Variants in ACRV1 observed in about 807,000 individuals in gnomAD.
ACRV1 encodes the protein acrosomal vesicle protein 1.
A neutral mutation model predicts 29.2 loss-of-function variants in ACRV1; 17 were observed. The observed-to-expected ratio is 0.58, with a 90% CI of 0.40 to 0.87. ACRV1 has a LOEUF of 0.87. Ranked by LOEUF, ACRV1 falls within the 40% of genes least tolerant of loss-of-function variation. The probability of loss-of-function intolerance (pLI) is 0.00; values close to 1 mark genes in which losing one functional copy is unlikely to be tolerated. For missense variants in ACRV1, 294 were observed against 316.0 expected (o/e 0.93, Z 0.53); for synonymous variants, 98 against 111.6 (o/e 0.88, Z 0.77).
chr11:125,675,617 C>T (rs1403731825), intron 3 of ACRV1, among the ~76,000 whole-genome samples: 1 of 152,208 alleles, frequency 6.6e-6, no homozygotes, highest in Non-Finnish European at 1.5e-5. Context: ...TGGGAATATA[C>T]TCAGACTGGT....
chr11:125,678,436 T>C, intron 1 of ACRV1, 139 bp from the exon 2 acceptor site: 2 of 1,027,998 alleles, frequency 1.9e-6, no homozygotes, highest in Non-Finnish European at 2.8e-6. Context: ...AGACTGCAGA[T>C]GTTGGGAAAA....
chr11:125,679,689 A>G (rs1942707645), intron 1 of ACRV1, among the ~76,000 whole-genome samples: 1 of 152,168 alleles, frequency 6.6e-6, no homozygotes, highest in Non-Finnish European at 1.5e-5. Context: ...AGCTGAGAGG[A>G]ATTATTGGAT....
At chr11:125,679,505 ACT>A (rs1479968328) in intron 1 of ACRV1, among the ~76,000 whole-genome samples, 2 of 152,216 alleles carry the variant, frequency 1.3e-5, no homozygotes, top group Non-Finnish European at 2.9e-5. Context: ...GGCATGAGCC[ACT>A]GTGTCTGGCC....
rs189528758 is a variant in ACRV1 at position 125,677,594 on chromosome 11, G to T, written c.553+203C>A. Among the ~76,000 whole-genome samples, 353 of 152,184 alleles carry T rather than the reference G, an allele frequency of 2.3e-3. 2 individuals are homozygous for T. Among genetic ancestry groups the T allele is most frequent in the African/African-American group, 7.5e-3 (313 of 41,528 alleles). On this transcript the variant is annotated intron_variant, in intron 2 of 3. Coordinates refer to ENST00000533904, the MANE Select transcript of ACRV1 (RefSeq NM_001612.6). ...TATTTGTTTTATTTTTCTTATAGAG[G>T]GCCCTCCATATTGTTTAGCTTTCAG...
At chr11:125,678,612 T>C (rs1827173360) in intron 1 of ACRV1, among the ~76,000 whole-genome samples, 1 of 152,034 alleles carries the variant, frequency 6.6e-6, no homozygotes, top group African/African-American at 2.4e-5. Context: ...AAAATGAATG[T>C]GCCTCCCTGA....
At chr11:125,674,690 G>A (rs1446580563) in intron 3 of ACRV1, among the ~76,000 whole-genome samples, 1 of 152,172 alleles carries the variant, frequency 6.6e-6, no homozygotes, top group East Asian at 1.9e-4. Context: ...ACCTGGATGG[G>A]CTACTGGCTC....
rs1942258604 is a variant in ACRV1, at chr11:125,672,690, C to T, written c.701G>A (p.Gly234Glu). 6.2e-7 allele frequency: 1 copy of T among 1,614,144 alleles called. No homozygotes were observed. Among genetic ancestry groups the T allele is most frequent in the Non-Finnish European group, 8.5e-7 (1 of 1,180,034 alleles). ...EGGKLQFMVQ[G>E]CENMCPSMNL... The stretch of plus-strand genomic sequence containing the variant: ...CATAGATGGGCACATGTTCTCACAC[C>T]CTTGAACCATGAATTGGAGTTTTCC... The change falls in exon 4 of 4, where the codon GGG becomes GAG. Residue 234 changes from glycine to glutamate, a missense_variant. By Grantham distance (98) the Gly-to-Glu change is moderately conservative. Transcript: ENST00000533904.
In ACRV1 at chr11:125,672,583, G is replaced by A. The variant is rs751089646; in HGVS notation, c.*10C>T. 1.7e-5 allele frequency: 27 copies of A among 1,613,508 alleles called. No individual in the cohort carries two copies. The highest frequency in any genetic ancestry group is 2.2e-5 in the South Asian group (2 of 91,042). On this transcript the variant is annotated 3_prime_UTR_variant, in exon 4 of 4. Transcript: ENST00000533904. ...ACTGCCTGAGTCAAAACAAGCAAGG[G>A]CCCAGGCTTCTAGATCTTATTGCAG...
chr11:125,672,668 A>G lies in ACRV1; in HGVS notation c.723T>C (p.Ser241=). 2 of 1,614,202 alleles carry G rather than the reference A, an allele frequency of 1.2e-6. No individual in the cohort carries two copies. The highest frequency in any genetic ancestry group is 1.7e-6 in the Non-Finnish European group (2 of 1,180,028). ...TCGTTCCATGGGAGAAGAGGTTCAT[A>G]GATGGGCACATGTTCTCACACCCTT... ...MVQGCENMCP[S]MNLFSHGTRM... The change falls in exon 4 of 4, where the codon TCT becomes TCC. Residue 241 remains serine, a synonymous_variant. Coordinates refer to ENST00000533904, the MANE Select transcript of ACRV1 (RefSeq NM_001612.6).
chr11:125,673,628 T>C (rs1942323607), intron 3 of ACRV1, among the ~76,000 whole-genome samples: 2 of 152,148 alleles, frequency 1.3e-5, no homozygotes, highest in South Asian at 2.1e-4. Flanking sequence ...TAACCGATGA[T>C]CACCTCCATG....
chr11:125,675,146 T>C (rs144802593), intron 3 of ACRV1, among the ~76,000 whole-genome samples: 4 of 152,192 alleles, frequency 2.6e-5, no homozygotes, highest in Non-Finnish European at 5.9e-5. Flanking sequence ...AACATTAGGA[T>C]TTTTTAAAGT....
chr11:125,678,402 T>A, intron 1 of ACRV1, 105 bp from the exon 2 acceptor site: 1 of 1,390,394 alleles, frequency 7.2e-7, no homozygotes, highest in South Asian at 1.4e-5. Flanking sequence ...CTAGGTTTCC[T>A]ATGGGCCTAG....
At chr11:125,680,011 G>T (rs1361174883) in intron 1 of ACRV1, among the ~76,000 whole-genome samples, 7 of 152,224 alleles carry the variant, frequency 4.6e-5, no homozygotes, top group Non-Finnish European at 8.8e-5. Context: ...TATAGTTTAT[G>T]ACTCGTGTCA....
Position 125,677,798 on chromosome 11 carries a change from T to G in ACRV1, c.552A>C (p.Thr184=). 6.2e-7 allele frequency: 1 copy of G among 1,614,174 alleles called. No homozygotes were observed. The change falls in exon 2 of 4, where the codon ACA becomes ACC. Residue 184 remains threonine (T), a splice_region_variant and synonymous_variant. Coordinates refer to ENST00000533904, the MANE Select transcript of ACRV1 (RefSeq NM_001612.6). ...ASGAPISSTS[T]GTILNCYTCA... ...GGCACCCATCCAAACATGGCTCACC[T>G]GTAGATGTGCTTGAAATTGGTGCAC...
At position 125,678,274 on chromosome 11, in the gene ACRV1, G is replaced by T. The variant is rs778442156; in HGVS notation, c.76C>A (p.Leu26Ile). The change falls in exon 2 of 4, where the codon CTT becomes ATT. Residue 26 changes from leucine (L) to isoleucine (I), a missense_variant. Physicochemically the swap from Leu to Ile is conservative, Grantham distance 5 (BLOSUM62 2). Transcript: ENST00000533904. ...GTTTGATGATCTATGGAGCCAGAAA[G>T]CTCATTAGGCTGACTTGATGTTCCT... ...ARGTSSQPNE[L>I]SGSIDHQTSV... 1.7e-5 allele frequency: 27 copies of T among 1,613,978 alleles called. No individual in the cohort carries two copies. The highest frequency in any genetic ancestry group is 1.3e-4 in the East Asian group (6 of 44,878).
At chr11:125,674,304 AT>A (rs1942374949) in intron 3 of ACRV1, among the ~76,000 whole-genome samples, 2 of 152,232 alleles carry the variant, frequency 1.3e-5, no homozygotes, top group Non-Finnish European at 2.9e-5. Context: ...TAAATGATTA[AT>A]TTTGGTATTT....
intron 2 of ACRV1, among the ~76,000 whole-genome samples, chr11:125,677,243 G>A (rs1459951210): frequency 2.6e-5 from 4 of 152,286 alleles, no homozygotes; most frequent in African/African-American, 9.6e-5. Context: ...ATCAAACTTT[G>A]GGTCTTGTTT....
At chr11:125,679,228 T>TTTTTTTTTTTTTTGTG (rs1454887323) in intron 1 of ACRV1, among the ~76,000 whole-genome samples, 2 of 145,558 alleles carry the variant, frequency 1.4e-5, no homozygotes, top group African/African-American at 5.1e-5. Context: ...TTTTTTTTTT[T>TTTTTTTTTTTTTTGTG]TGTTTCAAAG....
rs1942222954 is a variant in ACRV1, at chr11:125,672,254, T to C, written c.*339A>G. ...GAATGCTTAAACAATGCACCCAGTTTAGTGTCGGTGTGGAAGGAAGCTCAT... is the reference window on the plus strand; with the variant it reads ...GAATGCTTAAACAATGCACCCAGTTCAGTGTCGGTGTGGAAGGAAGCTCAT... On this transcript the variant is annotated 3_prime_UTR_variant, in exon 4 of 4. Coordinates refer to ENST00000533904, the MANE Select transcript of ACRV1 (RefSeq NM_001612.6). The C allele has an allele frequency of 4.8e-6, 1 of 209,406 alleles. No homozygotes were observed. The highest frequency in any genetic ancestry group is 9.5e-6 in the Non-Finnish European group (1 of 105,292). The allele number at this position is 209,406 out of a possible 1,614,324, so 13.0% of individuals were successfully genotyped here.
Sources: allele counts gnomAD v4.1 joint callset (sites outside exome capture counted in the v4.1 genomes callset), GRCh38; gene constraint gnomAD v4.1.1; transcripts MANE v1.5; gene names NCBI Gene and HGNC (gene_info 2026-07-23, HGNC 2026-07-21).